The following MACROD2 variants were observed in gnomAD, a reference collection of about 807,000 sequenced individuals.
MACROD2 encodes ADP-ribose glycohydrolase MACROD2.
A neutral mutation model predicts 70.4 loss-of-function variants in MACROD2; 36 were observed. That is an observed-to-expected ratio of 0.51 (90% confidence interval 0.39 to 0.68). MACROD2 has a LOEUF of 0.68. Among genes scored for constraint, MACROD2 ranks in the 30% least tolerant of loss-of-function variants. The pLI, the probability that MACROD2 is intolerant of heterozygous loss-of-function variation, is 0.00. For missense variants in MACROD2, 496 were observed against 538.4 expected (o/e 0.92, Z 0.78); for synonymous variants, 172 against 178.8 (o/e 0.96, Z 0.30).
intron 10 of MACROD2, among the ~76,000 whole-genome samples, chr20:15,922,440 A>G (rs997894799): frequency 6.6e-6 from 1 of 152,212 alleles, no homozygotes. Context: ...TTTTCACACT[A>G]CATTCAAAAT....
intron 8 of MACROD2, among the ~76,000 whole-genome samples, chr20:15,536,576 C>T (rs557151049): frequency 6.6e-6 from 1 of 152,244 alleles, no homozygotes; most frequent in African/African-American, 2.4e-5. Flanking sequence ...AATGCAGTGA[C>T]CATTTTGGCA....
intron 3 of MACROD2, among the ~76,000 whole-genome samples, chr20:14,269,201 T>C (rs1416025060): frequency 6.6e-6 from 1 of 152,034 alleles, no homozygotes; most frequent in Non-Finnish European, 1.5e-5. Context: ...AATACACAGA[T>C]CAACCAACAG....
chr20:14,905,126 C>G (rs920740813), intron 5 of MACROD2: 12 of 151,926 alleles, frequency 7.9e-5, no homozygotes, highest in African/African-American at 2.9e-4. Flanking sequence ...GACATTTACA[C>G]AAGAGAAATA....
chr20:15,679,250 A>G (rs2050125960), intron 8 of MACROD2, among the ~76,000 whole-genome samples: 1 of 151,770 alleles, frequency 6.6e-6, no homozygotes. Context: ...AAAAAAAAAA[A>G]AAAGAGATGC....
chr20:14,762,816 G>C (rs2072034197), intron 5 of MACROD2, among the ~76,000 whole-genome samples: 1 of 152,082 alleles, frequency 6.6e-6, no homozygotes, highest in African/African-American at 2.4e-5. Flanking sequence ...TGTAGTCCCA[G>C]CTACTGGGGA....
intron 1 of MACROD2, among the ~76,000 whole-genome samples, chr20:13,999,056 T>C (rs1207333721): frequency 6.6e-6 from 1 of 152,124 alleles, no homozygotes; most frequent in Non-Finnish European, 1.5e-5. Flanking sequence ...CCTTTACATG[T>C]CCTTTTGACT....
At chr20:15,326,757 A>G (rs6079750) in intron 6 of MACROD2, among the ~76,000 whole-genome samples, 1 of 152,130 alleles carries the variant, frequency 6.6e-6, no homozygotes, top group South Asian at 2.1e-4. Context: ...AAGACCAAGC[A>G]TATACAGAAA....
intron 7 of MACROD2, among the ~76,000 whole-genome samples, chr20:15,472,317 C>G (rs1326065831): frequency 6.6e-6 from 1 of 152,084 alleles, no homozygotes; most frequent in Non-Finnish European, 1.5e-5. Context: ...CCTAGCTAAT[C>G]TTCTTCCTTT....
intron 3 of MACROD2, among the ~76,000 whole-genome samples, chr20:14,121,178 C>A: frequency 6.6e-6 from 1 of 152,054 alleles, no homozygotes; most frequent in East Asian, 1.9e-4. Flanking sequence ...GTCAGGGGTG[C>A]ATAGTCATTG....
At chr20:14,063,044 T>C (rs1326610248) in intron 2 of MACROD2, among the ~76,000 whole-genome samples, 1 of 152,200 alleles carries the variant, frequency 6.6e-6, no homozygotes, top group Non-Finnish European at 1.5e-5. Context: ...CATTCTACTT[T>C]AGGAATTGAA....
At chr20:15,227,254 A>G (rs1214038985) in intron 5 of MACROD2, among the ~76,000 whole-genome samples, 4 of 152,148 alleles carry the variant, frequency 2.6e-5, no homozygotes, top group African/African-American at 9.7e-5. Flanking sequence ...AGTTTTATAG[A>G]CGATGATGAC....
intron 4 of MACROD2, among the ~76,000 whole-genome samples, chr20:14,552,273 T>C (rs1324967948): frequency 7.2e-6 from 1 of 137,950 alleles, no homozygotes; most frequent in Non-Finnish European, 1.6e-5. Flanking sequence ...GCTACCTGTT[T>C]TTATCTTTAT....
chr20:15,404,883 A>G (rs1305273190), intron 6 of MACROD2, among the ~76,000 whole-genome samples: 1 of 152,240 alleles, frequency 6.6e-6, no homozygotes, highest in East Asian at 1.9e-4. Flanking sequence ...GAAATAGCCA[A>G]AAAGTAGCAA....
intron 8 of MACROD2, among the ~76,000 whole-genome samples, chr20:15,531,682 G>A (rs2146547963): frequency 6.6e-6 from 1 of 152,204 alleles, no homozygotes; most frequent in South Asian, 2.1e-4. Flanking sequence ...CTGGAAACTA[G>A]GAGAGTCCAG....
At chr20:14,891,650 G>A (rs2073761888) in intron 5 of MACROD2, among the ~76,000 whole-genome samples, 1 of 152,104 alleles carries the variant, frequency 6.6e-6, no homozygotes, top group South Asian at 2.1e-4. Flanking sequence ...TGGGAGGATA[G>A]TAATAGAAAA....
intron 3 of MACROD2, among the ~76,000 whole-genome samples, chr20:14,356,546 C>T (rs912284791): frequency 1.4e-5 from 2 of 147,274 alleles, no homozygotes; most frequent in Admixed American, 6.8e-5. Context: ...GCTCTGTCAC[C>T]CAGGGTGGAG....
chr20:14,270,770 G>A (rs976526008), intron 3 of MACROD2, among the ~76,000 whole-genome samples: 14 of 152,144 alleles, frequency 9.2e-5, no homozygotes, highest in Admixed American at 4.6e-4. Flanking sequence ...CCCAGCGTGA[G>A]TGACGCAGAA....
Position 14,209,538 on chromosome 20 carries a change from A to G in MACROD2, c.271+123810A>G, listed in dbSNP as rs147545069. ...TAGGGTAATACTAGCCATGAAAAGAATAGACTTCAAAATATAAAATGGCTT... is the reference window on the plus strand; with the variant it reads ...TAGGGTAATACTAGCCATGAAAAGAGTAGACTTCAAAATATAAAATGGCTT... On this transcript the variant is annotated intron_variant, in intron 3 of 17. Transcript: ENST00000684519. 2.5e-3 allele frequency among the ~76,000 whole-genome samples: 380 copies of G among 152,332 alleles called. 4 individuals carry two copies. Among genetic ancestry groups the G allele is most frequent in the African/African-American group, 8.9e-3 (369 of 41,572 alleles).
intron 10 of MACROD2, among the ~76,000 whole-genome samples, chr20:15,890,954 A>G (rs2064881407): frequency 6.6e-6 from 1 of 152,158 alleles, no homozygotes; most frequent in Admixed American, 6.6e-5. Flanking sequence ...GCTAGGCACC[A>G]GGGATACAAG....
Sources: gnomAD v4.1 joint callset for allele counts (sites outside exome capture counted in the v4.1 genomes callset) on GRCh38, gnomAD v4.1.1 for gene constraint, MANE v1.5 for transcripts, NCBI Gene and HGNC (gene_info 2026-07-23, HGNC 2026-07-21) for gene names.